Variants in NT5C3B observed in about 807,000 individuals in gnomAD.
NT5C3B encodes the protein 5'-nucleotidase, cytosolic IIIB.
Under a neutral mutation model 32.5 loss-of-function variants are expected in NT5C3B, and 28 were observed. The ratio of observed to expected loss-of-function variants is 0.86; its 90% CI spans 0.64 to 1.18. NT5C3B has a LOEUF of 1.18. Ranked by LOEUF, NT5C3B falls within the 50% of genes most tolerant of loss-of-function variation. The pLI is 0.00. For missense variants in NT5C3B, 317 were observed against 322.0 expected (o/e 0.98, Z 0.12); for synonymous variants, 138 against 118.0 (o/e 1.17, Z -1.10).
At chr17:41,829,557 T>C (rs943216725) in intron 6 of NT5C3B, among the ~76,000 whole-genome samples, 14 of 152,240 alleles carry the variant, frequency 9.2e-5, no homozygotes, top group Non-Finnish European at 1.0e-4. Flanking sequence ...GAACTTCATA[T>C]AAATAGACTC....
chr17:41,831,399 T>G (rs1414773754), intron 5 of NT5C3B, among the ~76,000 whole-genome samples: 1 of 151,070 alleles, frequency 6.6e-6, no homozygotes, highest in African/African-American at 2.4e-5. Flanking sequence ...ACTGCTGAAG[T>G]CGGCACTCTT....
intron 2 of NT5C3B, 68 bp from the exon 3 acceptor site, chr17:41,835,340 G>C (rs782521426): frequency 5.2e-6 from 7 of 1,352,014 alleles, no homozygotes; most frequent in Non-Finnish European, 7.4e-6. Flanking sequence ...GCCTCAGCCT[G>C]GGGGATGATT....
chr17:41,832,394 T>C lies in NT5C3B; in HGVS notation c.312A>G (p.Glu104=), dbSNP rs1555619164. ...TTTTCTCCACCACCATCACTCACCA[T>C]TCCACCATATGAGGTAGCTTCTCCT... is the stretch of plus-strand genomic sequence containing the variant. ...TVKEKLPHMV[E]WWTKAHNLLC... Residue 104 remains glutamate, a splice_region_variant and synonymous_variant, in exon 5 of 9, where the codon GAA becomes GAG. Transcript: ENST00000435506. 2.5e-6 allele frequency: 4 copies of C among 1,613,020 alleles called. No homozygotes were observed. The highest frequency in any genetic ancestry group is 3.4e-6 in the Non-Finnish European group (4 of 1,179,284).
At chr17:41,833,011 A>C (rs1406812665) in intron 4 of NT5C3B, among the ~76,000 whole-genome samples, 2 of 152,160 alleles carry the variant, frequency 1.3e-5, no homozygotes, top group African/African-American at 4.8e-5. Flanking sequence ...CAATACACTC[A>C]CATTTTTACC....
At chr17:41,830,693 C>G in intron 6 of NT5C3B, 108 bp downstream of exon 6, 1 of 770,882 alleles carries the variant, frequency 1.3e-6, no homozygotes, top group Non-Finnish European at 2.3e-6. Context: ...CATGTCCCTT[C>G]CGGTCCTTTA....
Position 41,835,268 on chromosome 17 carries a change from A to G in NT5C3B, c.116T>C (p.Ile39Thr). The G allele has an allele frequency of 6.2e-7, 1 of 1,614,084 alleles. No homozygotes were observed. The highest frequency in any genetic ancestry group is 8.5e-7 in the Non-Finnish European group (1 of 1,179,932). The stretch of plus-strand genomic sequence containing the variant: ...GCTCAAGGTCATGTCAAAATCAGAA[A>G]TCACCTATAAGGCAAAAGAGAGATG... ...RKGGGDRLQVISDFDMTLSRF... is the reference protein window; with the variant it reads ...RKGGGDRLQVTSDFDMTLSRF... The change falls in exon 3 of 9, where the codon ATT becomes ACT. Residue 39 changes from isoleucine to threonine, a missense_variant. Transcript: ENST00000435506.
intron 2 of NT5C3B, 130 bp from the exon 3 acceptor site, chr17:41,835,402 G>T: frequency 1.3e-6 from 1 of 750,516 alleles, no homozygotes. Flanking sequence ...CCCTAGGGGA[G>T]TTACCGAGTG....
rs1008036428 is a variant in NT5C3B at position 41,835,198 on chromosome 17, C to T, written c.181+5G>A. The T allele has an allele frequency of 1.2e-6, 2 of 1,613,922 alleles. No individual in the cohort carries two copies. ...CTCAACAAGGGAAGCTAGAATGTGA[C>T]TTACTGTAAGAAGAAGGGCATCGCT... On this transcript the variant is annotated splice_donor_5th_base_variant and intron_variant, in intron 3 of 8. Coordinates refer to ENST00000435506, the MANE Select transcript of NT5C3B (RefSeq NM_052935.5).
At chr17:41,830,691 T>C in intron 6 of NT5C3B, 110 bp downstream of exon 6, 1 of 764,798 alleles carries the variant, frequency 1.3e-6, no homozygotes, top group African/African-American at 1.7e-5. Context: ...GCCATGTCCC[T>C]TCCGGTCCTT....
intron 8 of NT5C3B, 122 bp downstream of exon 8, chr17:41,827,304 A>T (rs901916024): frequency 1.1e-4 from 48 of 444,896 alleles, no homozygotes; most frequent in Non-Finnish European, 2.0e-5. Flanking sequence ...GTCTCAAAAA[A>T]AAATAAAATA....
At chr17:41,826,641 C>A (rs1451711397) in intron 8 of NT5C3B, among the ~76,000 whole-genome samples, 3 of 151,872 alleles carry the variant, frequency 2.0e-5, no homozygotes, top group Non-Finnish European at 4.4e-5. Context: ...CGTGCCACTG[C>A]ACTCCACTAG....
chr17:41,835,854 G>A lies in NT5C3B; in HGVS notation c.111+5C>T, dbSNP rs1555619855. 4.4e-6 allele frequency: 7 copies of A among 1,606,390 alleles called. No individual in the cohort carries two copies. The highest frequency in any genetic ancestry group is 2.2e-5 in the East Asian group (1 of 44,640). On this transcript the variant is annotated splice_donor_5th_base_variant and intron_variant, in intron 2 of 8. Coordinates refer to ENST00000435506, the MANE Select transcript of NT5C3B (RefSeq NM_052935.5). ...CCGGCCGGCCCCCGCACGCCCCAGA[G>A]GTACCTGTAACCGGTCTCCGCCGCC...
chr17:41,833,322 T>A (rs1227506963), intron 4 of NT5C3B, among the ~76,000 whole-genome samples: 2 of 8,866 alleles, frequency 2.3e-4, no homozygotes, highest in African/African-American at 8.7e-4. Flanking sequence ...TCATGTACAA[T>A]TTTTTTTTTT....
At chr17:41,827,349 G>A in intron 8 of NT5C3B, 77 bp downstream of exon 8, 1 of 584,760 alleles carries the variant, frequency 1.7e-6, no homozygotes, top group South Asian at 3.1e-5. Flanking sequence ...AAAAGAGAAT[G>A]TGTTCAAAGG....
intron 4 of NT5C3B, among the ~76,000 whole-genome samples, chr17:41,834,180 G>C (rs2048101277): frequency 6.6e-6 from 1 of 152,000 alleles, no homozygotes; most frequent in Admixed American, 6.6e-5. Context: ...CGGATCACCT[G>C]AGGTTGGGAG....
At chr17:41,832,504 C>T (rs2048069064) in intron 4 of NT5C3B, 27 bp from the exon 5 acceptor site, 1 of 1,589,788 alleles carries the variant, frequency 6.3e-7, no homozygotes, top group East Asian at 2.2e-5. Context: ...GGGAGAAAGG[C>T]CATTAGTCCA....
intron 7 of NT5C3B, 33 bp downstream of exon 7, chr17:41,828,757 G>A (rs782345533): frequency 1.7e-5 from 27 of 1,595,614 alleles, no homozygotes; most frequent in African/African-American, 4.0e-5. Flanking sequence ...CCCACCCCTC[G>A]TCCTTTCCCA....
chr17:41,827,069 G>A (rs1392998647), intron 8 of NT5C3B, among the ~76,000 whole-genome samples: 3 of 151,448 alleles, frequency 2.0e-5, no homozygotes, highest in African/African-American at 4.9e-5. Flanking sequence ...CACTTTTGGA[G>A]GCCAAGGCAG....
At chr17:41,827,299 A>C (rs1272782491) in intron 8 of NT5C3B, 127 bp downstream of exon 8, 1 of 371,866 alleles carries the variant, frequency 2.7e-6, no homozygotes, top group Non-Finnish European at 4.7e-6. Context: ...ACCCCGTCTC[A>C]AAAAAAAATA....
Sources: allele counts gnomAD v4.1 joint callset (sites outside exome capture counted in the v4.1 genomes callset), GRCh38; gene constraint gnomAD v4.1.1; transcripts MANE v1.5; gene names NCBI Gene and HGNC (gene_info 2026-07-23, HGNC 2026-07-21).